The following RBFOX1 variants were observed in gnomAD, a reference collection of about 807,000 sequenced individuals.
RBFOX1 encodes the protein RNA binding fox-1 homolog 1.
In RBFOX1, 8 loss-of-function variants were observed where a neutral mutation model predicts 57.7. That is an observed-to-expected ratio of 0.14 (90% CI 0.08 to 0.25). The LOEUF is 0.25. Among genes scored for constraint, RBFOX1 ranks in the 10% least tolerant of loss-of-function variants. The pLI, the probability that RBFOX1 is intolerant of heterozygous loss-of-function variation, is 1.00. For synonymous variants in RBFOX1, 326 were observed against 222.4 expected (o/e 1.47, Z -4.15); for missense variants, 611 against 548.5 (o/e 1.11, Z -1.14).
At chr16:6,792,826 C>G (rs181031093) in intron 3 of RBFOX1, among the ~76,000 whole-genome samples, 2 of 152,176 alleles carry the variant, frequency 1.3e-5, no homozygotes, top group Admixed American at 6.5e-5. Context: ...GTCAGGAGTT[C>G]AAGACCAGCC....
chr16:6,759,839 A>C (rs1045144471), intron 3 of RBFOX1, among the ~76,000 whole-genome samples: 1 of 152,236 alleles, frequency 6.6e-6, no homozygotes, highest in Non-Finnish European at 1.5e-5. Context: ...ATAGCAAGAC[A>C]GTGGAAAATT....
At chr16:5,889,005 C>G (rs1380345853) in intron 4 of RBFOX1, among the ~76,000 whole-genome samples, 2 of 151,832 alleles carry the variant, frequency 1.3e-5, no homozygotes, top group Non-Finnish European at 2.9e-5. Flanking sequence ...CAAGATTGGT[C>G]AAGATTTGGC....
chr16:7,400,990 T>A (rs1010321404), intron 4 of RBFOX1, among the ~76,000 whole-genome samples: 1 of 152,206 alleles, frequency 6.6e-6, no homozygotes, highest in African/African-American at 2.4e-5. Context: ...GAACCCCGCA[T>A]GAAACTCAGG....
chr16:6,907,705 G>A (rs1414817074), intron 3 of RBFOX1, among the ~76,000 whole-genome samples: 1 of 152,072 alleles, frequency 6.6e-6, no homozygotes. Flanking sequence ...TGAGTAGCTG[G>A]GATTACAGGC....
chr16:6,945,740 A>C lies in RBFOX1; in HGVS notation c.-15-106317A>C, dbSNP rs570316886. 3.9e-5 allele frequency among the ~76,000 whole-genome samples: 6 copies of C among 152,244 alleles called. No individual in the cohort carries two copies. In the East Asian group the frequency reaches 1.2e-3, roughly 30 times the overall value. On this transcript the variant is annotated intron_variant, in intron 3 of 15. Transcript: ENST00000550418. ...AACCCGTCTCTACTAAAAATATACA[A>C]ATTAGCTGAGGGTGGTGGCAGGCAC... is the stretch of plus-strand genomic sequence containing the variant.
At chr16:6,582,047 T>A (rs915452854) in intron 2 of RBFOX1, among the ~76,000 whole-genome samples, 1 of 152,148 alleles carries the variant, frequency 6.6e-6, no homozygotes, top group Non-Finnish European at 1.5e-5. Context: ...CTGCTGCACA[T>A]CTAACAAGGC....
At chr16:7,137,111 G>C (rs1269120301) in intron 4 of RBFOX1, among the ~76,000 whole-genome samples, 1 of 152,176 alleles carries the variant, frequency 6.6e-6, no homozygotes, top group Non-Finnish European at 1.5e-5. Flanking sequence ...AAGTTAGATA[G>C]TCTAAAATAA....
intron 1 of RBFOX1, among the ~76,000 whole-genome samples, chr16:6,294,348 G>T (rs2077830232): frequency 6.6e-6 from 1 of 152,176 alleles, no homozygotes; most frequent in Non-Finnish European, 1.5e-5. Context: ...GTCCCAGTAT[G>T]GTTAGATGAG....
chr16:7,541,122 T>G (rs773174532), intron 5 of RBFOX1, among the ~76,000 whole-genome samples: 1 of 152,248 alleles, frequency 6.6e-6, no homozygotes, highest in Non-Finnish European at 1.5e-5. Context: ...TTTTCGCCCC[T>G]GACTGCTGTA....
At chr16:7,242,089 C>A (rs1370557223) in intron 4 of RBFOX1, among the ~76,000 whole-genome samples, 1 of 152,010 alleles carries the variant, frequency 6.6e-6, no homozygotes, top group Admixed American at 6.6e-5. Flanking sequence ...GAAAAGTCAC[C>A]AGGAATTTCC....
At chr16:6,253,677 G>GTGTC (rs1365983995) in intron 1 of RBFOX1, among the ~76,000 whole-genome samples, 165 of 20,782 alleles carry the variant, frequency 7.9e-3, no homozygotes, top group South Asian at 0.069. Flanking sequence ...GTGTGTGCAT[G>GTGTC]TGTGTGTGTG....
At chr16:5,375,896 G>A (rs1412600093) in intron 1 of RBFOX1, among the ~76,000 whole-genome samples, 1 of 152,218 alleles carries the variant, frequency 6.6e-6, no homozygotes, top group Non-Finnish European at 1.5e-5. Flanking sequence ...GCTGGGTGCG[G>A]TGGCTCATGC....
intron 1 of RBFOX1, chr16:5,289,430 C>T (rs2063481705): frequency 7.4e-6 from 2 of 272,072 alleles, no homozygotes; most frequent in Non-Finnish European, 1.4e-5. Flanking sequence ...CGAGAAGTAT[C>T]AAATACACAT....
At chr16:6,900,060 G>A (rs2068064085) in intron 3 of RBFOX1, among the ~76,000 whole-genome samples, 2 of 152,166 alleles carry the variant, frequency 1.3e-5, no homozygotes, top group South Asian at 2.1e-4. Flanking sequence ...AGGATTAAAT[G>A]AGTTAATACT....
At chr16:6,855,428 G>T (rs185829742) in intron 3 of RBFOX1, among the ~76,000 whole-genome samples, 1,788 of 152,136 alleles carry the variant, frequency 0.012, 20 homozygotes, top group Non-Finnish European at 0.019. Flanking sequence ...GAGGCGGGCG[G>T]ATCATGAGGT....
At chr16:6,092,904 A>G (rs1233687523) in intron 1 of RBFOX1, 1 of 152,192 alleles carries the variant, frequency 6.6e-6, no homozygotes, top group Non-Finnish European at 1.5e-5. Flanking sequence ...ATTTAAAAAT[A>G]GTGTTTTTTA....
At chr16:5,655,896 A>G (rs749690926) in intron 3 of RBFOX1, among the ~76,000 whole-genome samples, 36 of 152,182 alleles carry the variant, frequency 2.4e-4, no homozygotes, top group Non-Finnish European at 1.9e-4. Context: ...AGCATGTGCA[A>G]TTGTAGATTA....
intron 2 of RBFOX1, among the ~76,000 whole-genome samples, chr16:6,538,889 C>T (rs954217848): frequency 2.0e-5 from 3 of 152,146 alleles, no homozygotes; most frequent in African/African-American, 7.2e-5. Flanking sequence ...GGATTAGCTC[C>T]TCTTTCCAGT....
chr16:6,674,049 C>G (rs1054215486), intron 3 of RBFOX1, among the ~76,000 whole-genome samples: 4 of 152,066 alleles, frequency 2.6e-5, no homozygotes, highest in African/African-American at 9.7e-5. Context: ...TAGGATTACC[C>G]TAGGAAATAA....
Sources: gnomAD v4.1 joint callset for allele counts (sites outside exome capture counted in the v4.1 genomes callset) on GRCh38, gnomAD v4.1.1 for gene constraint, MANE v1.5 for transcripts, NCBI Gene and HGNC (gene_info 2026-07-23, HGNC 2026-07-21) for gene names.